RNF113B: variants seen among roughly 807,000 people sequenced by gnomAD.
RNF113B encodes zinc finger protein 183-like 1.
RNF113B carries 12 observed loss-of-function variants against 22.2 expected under a neutral mutation model. The ratio of observed to expected loss-of-function variants is 0.54; its 90% CI spans 0.35 to 0.87. The LOEUF is 0.87. RNF113B is among the 40% of genes least tolerant of loss of function. The pLI, the probability that RNF113B is intolerant of heterozygous loss-of-function variation, is 0.01. For missense variants in RNF113B, 442 were observed against 455.4 expected (o/e 0.97, Z 0.27); for synonymous variants, 194 against 184.6 (o/e 1.05, Z -0.41).
At position 98,176,866 on chromosome 13, in the gene RNF113B, G is replaced by T; in HGVS notation, c.371C>A (p.Thr124Lys). 2.5e-6 allele frequency: 4 copies of T among 1,609,268 alleles called. No individual in the cohort carries two copies. Among genetic ancestry groups the T allele is most frequent in the Non-Finnish European group, 2.5e-6 (3 of 1,179,956 alleles). Residue 124 changes from threonine to lysine, a missense_variant, in exon 1 of 2, where the codon ACG becomes AAG. Transcript: ENST00000267291. The surrounding 1 kb of genome is among the most constrained non-coding windows in gnomAD (Gnocchi z 6.2). ...FEQDTEKEHH[T>K]PTILKCSQRV... The stretch of plus-strand genomic sequence containing the variant: ...CTGGCTGCACTTGAGGATGGTCGGC[G>T]TATGGTGCTCCTTCTCGGTGTCCTG...
Position 98,176,931 on chromosome 13 carries a change from A to T in RNF113B, c.306T>A (p.Pro102=), listed in dbSNP as rs758475708. 4.9e-5 allele frequency: 79 copies of T among 1,602,782 alleles called. No homozygotes were observed. Among genetic ancestry groups the T allele is most frequent in the Non-Finnish European group, 6.6e-5 (78 of 1,179,788 alleles). The change falls in exon 1 of 2, where the codon CCT becomes CCA. Residue 102 remains proline, a synonymous_variant. Transcript: ENST00000267291. This position sits in a 1 kb window ranked among gnomAD's most constrained non-coding sequence, Gnocchi z 6.2. ...VVYRSTRSAK[P]VGPEDMGATA... is the part of the protein sequence containing the mutation. ...TGGCCCCCATGTCCTCTGGCCCCAC[A>T]GGCTTCGCCGAGCGGGTGGACCTGT...
Position 98,177,017 on chromosome 13 carries a change from T to C in RNF113B, c.220A>G (p.Lys74Glu), listed in dbSNP as rs769660454. 2.3e-5 allele frequency: 36 copies of C among 1,596,378 alleles called. No homozygotes were observed. Among genetic ancestry groups the C allele is most frequent in the Non-Finnish European group, 2.5e-5 (30 of 1,178,222 alleles). Residue 74 changes from lysine to glutamate, a missense_variant, in exon 1 of 2, where the codon AAG (lysine) becomes GAG (glutamate). Transcript: ENST00000267291. Reference sequence around the variant, plus strand: ...CCCCTCCTGTCGCCGTGAGCCGCCTTCTGCCAGCTGTGGAGGCCCCGGGGC... The same window carrying C: ...CCCCTCCTGTCGCCGTGAGCCGCCTCCTGCCAGCTGTGGAGGCCCCGGGGC... ...PRPRGLHSWQ[K>E]AAHGDRRGEE...
rs993125147 is a variant in RNF113B, at chr13:98,176,291, C to T, written c.946G>A (p.Ala316Thr). ...TGGGACTTGCCCCCACCTTCTGCAG[C>T]CTGAAGCTTTTGCAGTTTCGCCATC... is the stretch of plus-strand genomic sequence containing the variant. ...ELMAKLQKLQ[A>T]AEGKKR Residue 316 changes from alanine to threonine, a missense_variant, in exon 1 of 2, where the codon GCT (alanine) becomes ACT (threonine). Ala to Thr is a moderately conservative substitution (Grantham distance 58). Transcript: ENST00000267291. The surrounding 1 kb of genome is among the most constrained non-coding windows in gnomAD (Gnocchi z 6.2). The T allele has an allele frequency of 2.8e-5, 45 of 1,612,344 alleles. No homozygotes were observed. The highest frequency in any genetic ancestry group is 3.5e-5 in the Non-Finnish European group (41 of 1,178,750).
At position 98,177,075 on chromosome 13, in the gene RNF113B, G is replaced by GT. The variant is rs766324120; in HGVS notation, c.161dup (p.Asp54GlufsTer35). On this transcript the variant is annotated frameshift_variant, in exon 1 of 2. Transcript: ENST00000267291. LOFTEE classifies it high-confidence loss of function. The stretch of plus-strand genomic sequence containing the variant: ...CCACCCGCGGGGGCTGAGCCACTGT[G>GT]TCGCCCTCGTCCCCGCTGCTGCTGC... 1 of 1,597,370 alleles carries GT rather than the reference G, an allele frequency of 6.3e-7. No homozygotes were observed. The highest frequency in any genetic ancestry group is 1.1e-5 in the South Asian group (1 of 90,796).
chr13:98,177,072 T>A lies in RNF113B; in HGVS notation c.165A>T (p.Thr55=). The part of the protein sequence containing the change: ...ESSSSGDEGD[T]VAQPPRVAPR... ...GTGCCACCCGCGGGGGCTGAGCCACTGTGTCGCCCTCGTCCCCGCTGCTGC... is the reference window on the plus strand; with the variant it reads ...GTGCCACCCGCGGGGGCTGAGCCACAGTGTCGCCCTCGTCCCCGCTGCTGC... Residue 55 remains threonine, a synonymous_variant, in exon 1 of 2, where the codon ACA becomes ACT. Coordinates refer to ENST00000267291, the MANE Select transcript of RNF113B (RefSeq NM_178861.5). 1 of 1,597,058 alleles carries A rather than the reference T, an allele frequency of 6.3e-7. No homozygotes were observed. Among genetic ancestry groups the A allele is most frequent in the African/African-American group, 1.3e-5 (1 of 74,940 alleles).
Position 98,177,102 on chromosome 13 carries a change from C to G in RNF113B, c.135G>C (p.Glu45Asp). 1 of 1,600,602 alleles carries G rather than the reference C, an allele frequency of 6.2e-7. No homozygotes were observed. Among genetic ancestry groups the G allele is most frequent in the Non-Finnish European group, 8.5e-7 (1 of 1,179,576 alleles). ...CGCCCTCGTCCCCGCTGCTGCTGCT[C>G]TCTCCGTGCTCGGGGTCGCAGGCCG... is the stretch of plus-strand genomic sequence containing the variant. The part of the protein sequence containing the change: ...KRPACDPEHG[E>D]SSSSGDEGDT... Residue 45 changes from glutamate (E) to aspartate (D), a missense_variant, in exon 1 of 2, where the codon GAG (glutamate) becomes GAC (aspartate). Coordinates refer to ENST00000267291, the MANE Select transcript of RNF113B (RefSeq NM_178861.5).
chr13:98,177,141 G>A lies in RNF113B; in HGVS notation c.96C>T (p.Gly32=), dbSNP rs1878133372. Reference sequence around the variant, plus strand: ...GGTCGCAGGCCGGGCGCTTTCTGAGGCCTGCAGCCCCTTTCCGTCCAGGCT... The same window carrying A: ...GGTCGCAGGCCGGGCGCTTTCTGAGACCTGCAGCCCCTTTCCGTCCAGGCT... ...FKKPGRKGAA[G]LRKRPACDPE... The change falls in exon 1 of 2, where the codon GGC becomes GGT. Residue 32 remains glycine (G), a synonymous_variant. Coordinates refer to ENST00000267291, the MANE Select transcript of RNF113B (RefSeq NM_178861.5). The A allele has an allele frequency of 6.2e-7, 1 of 1,606,266 alleles. No individual in the cohort carries two copies. Among genetic ancestry groups the A allele is most frequent in the South Asian group, 1.1e-5 (1 of 91,024 alleles).
chr13:98,177,120 G>A lies in RNF113B; in HGVS notation c.117C>T (p.Cys39=). Residue 39 remains cysteine (C), a synonymous_variant, in exon 1 of 2, where the codon TGC becomes TGT. Coordinates refer to ENST00000267291, the MANE Select transcript of RNF113B (RefSeq NM_178861.5). ...TGCTGCTCTCTCCGTGCTCGGGGTC[G>A]CAGGCCGGGCGCTTTCTGAGGCCTG... The part of the protein sequence containing the change: ...GAAGLRKRPA[C]DPEHGESSSS... The A allele has an allele frequency of 6.2e-7, 1 of 1,602,622 alleles. No homozygotes were observed. Among genetic ancestry groups the A allele is most frequent in the South Asian group, 1.1e-5 (1 of 90,994 alleles).
Position 98,176,719 on chromosome 13 carries a change from C to G in RNF113B, c.518G>C (p.Arg173Thr). 6.2e-7 allele frequency: 1 copy of G among 1,614,184 alleles called. No individual in the cohort carries two copies. The highest frequency in any genetic ancestry group is 8.5e-7 in the Non-Finnish European group (1 of 1,180,046). The stretch of plus-strand genomic sequence containing the variant: ...CCCTGGCGCACGTATGGGGCCCTTC[C>G]TCGCCATCCCCGAGGAGGAGTTGCC... ...SMGNSSSGMA[R>T]KGPIRAPGHL... is the part of the protein sequence containing the mutation. Residue 173 changes from arginine (R) to threonine (T), a missense_variant, in exon 1 of 2, where the codon AGG (arginine) becomes ACG (threonine). Coordinates refer to ENST00000267291, the MANE Select transcript of RNF113B (RefSeq NM_178861.5). The surrounding 1 kb of genome is among the most constrained non-coding windows in gnomAD (Gnocchi z 6.2).
Position 98,176,733 on chromosome 13 carries a change from G to C in RNF113B, c.504C>G (p.Ser168=), listed in dbSNP as rs1290353147. Residue 168 remains serine, a synonymous_variant, in exon 1 of 2, where the codon TCC becomes TCG. Transcript: ENST00000267291. The surrounding 1 kb of genome is among the most constrained non-coding windows in gnomAD (Gnocchi z 6.2). The stretch of plus-strand genomic sequence containing the variant: ...TGGGGCCCTTCCTCGCCATCCCCGA[G>C]GAGGAGTTGCCCATGGACGTGTCCT... ...KPKDTSMGNS[S]SGMARKGPIR... The C allele has an allele frequency of 3.7e-6, 6 of 1,614,006 alleles. No individual in the cohort carries two copies. Among genetic ancestry groups the C allele is most frequent in the Non-Finnish European group, 5.1e-6 (6 of 1,179,992 alleles).
rs1272124433 is a variant in RNF113B at position 98,176,921 on chromosome 13, C to G, written c.316G>C (p.Glu106Gln). The change falls in exon 1 of 2, where the codon GAG becomes CAG. Residue 106 changes from glutamate (E) to glutamine (Q), a missense_variant. Physicochemically the swap from Glu to Gln is conservative, Grantham distance 29. Coordinates refer to ENST00000267291, the MANE Select transcript of RNF113B (RefSeq NM_178861.5). This position sits in a 1 kb window ranked among gnomAD's most constrained non-coding sequence, Gnocchi z 6.2. ...STRSAKPVGP[E>Q]DMGATADFEQ... is the part of the protein sequence containing the mutation. ...AAGTCAGCGGTGGCCCCCATGTCCT[C>G]TGGCCCCACAGGCTTCGCCGAGCGG... 3 of 1,605,210 alleles carry G rather than the reference C, an allele frequency of 1.9e-6. No homozygotes were observed. Among genetic ancestry groups the G allele is most frequent in the Non-Finnish European group, 2.5e-6 (3 of 1,179,936 alleles).
chr13:98,177,057 CG>C lies in RNF113B; in HGVS notation c.179del (p.Pro60ArgfsTer95), dbSNP rs1878121800. On this transcript the variant is annotated frameshift_variant, in exon 1 of 2. Transcript: ENST00000267291. LOFTEE classifies it high-confidence loss of function. ...GDEGDTVAQP[P>X]RVAPRPRGLH... ...GGCCCCGGGGCCTCGGTGCCACCCG[CG>C]GGGGCTGAGCCACTGTGTCGCCCTC... 1 of 1,594,936 alleles carries C rather than the reference CG, an allele frequency of 6.3e-7. No individual in the cohort carries two copies. The highest frequency in any genetic ancestry group is 8.5e-7 in the Non-Finnish European group (1 of 1,177,722).
In RNF113B at chr13:98,176,160, T is replaced by G. The variant is rs2139180752; in HGVS notation, c.*3A>C. 1.1e-5 allele frequency: 17 copies of G among 1,608,554 alleles called. No homozygotes were observed. The highest frequency in any genetic ancestry group is 1.4e-5 in the Non-Finnish European group (16 of 1,175,310). Reference sequence around the variant, plus strand: ...CCAGTGTACATACAGACTTGAGTCTTTCTTATCTCTTTTTTCCTAAAAGAA... The same window carrying G: ...CCAGTGTACATACAGACTTGAGTCTGTCTTATCTCTTTTTTCCTAAAAGAA... On this transcript the variant is annotated 3_prime_UTR_variant, in exon 2 of 2. Transcript: ENST00000267291. The surrounding 1 kb of genome is among the most constrained non-coding windows in gnomAD (Gnocchi z 6.2).
rs1566701342 is a variant in RNF113B, at chr13:98,176,554, C to T, written c.683G>A (p.Arg228Gln). ...SDYKLGWEIE[R>Q]ELEEGRYCIC... ...ACAGTAGCGACCCTCTTCAAGCTCC[C>T]GTTCAATCTCCCACCCGAGCTTGTA... is the stretch of plus-strand genomic sequence containing the variant. Residue 228 changes from arginine (R) to glutamine (Q), a missense_variant, in exon 1 of 2, where the codon CGG becomes CAG. Coordinates refer to ENST00000267291, the MANE Select transcript of RNF113B (RefSeq NM_178861.5). The surrounding 1 kb of genome is among the most constrained non-coding windows in gnomAD (Gnocchi z 6.2). The T allele has an allele frequency of 1.9e-6, 3 of 1,614,212 alleles. No homozygotes were observed. Among genetic ancestry groups the T allele is most frequent in the Middle Eastern group, 1.6e-4 (1 of 6,062 alleles).
In RNF113B at chr13:98,176,925, C is replaced by G. The variant is rs1245868601; in HGVS notation, c.312G>C (p.Gly104=). Residue 104 remains glycine (G), a synonymous_variant, in exon 1 of 2, where the codon GGG becomes GGC. Coordinates refer to ENST00000267291, the MANE Select transcript of RNF113B (RefSeq NM_178861.5). This position sits in a 1 kb window ranked among gnomAD's most constrained non-coding sequence, Gnocchi z 6.2. ...CAGCGGTGGCCCCCATGTCCTCTGG[C>G]CCCACAGGCTTCGCCGAGCGGGTGG... ...YRSTRSAKPV[G]PEDMGATADF... 2 of 1,603,616 alleles carry G rather than the reference C, an allele frequency of 1.2e-6. No individual in the cohort carries two copies. The highest frequency in any genetic ancestry group is 1.7e-6 in the Non-Finnish European group (2 of 1,179,842).
In RNF113B at chr13:98,176,704, C is replaced by G. The variant is rs764594031; in HGVS notation, c.533G>C (p.Arg178Pro). 6.2e-7 allele frequency: 1 copy of G among 1,614,198 alleles called. No homozygotes were observed. The highest frequency in any genetic ancestry group is 1.1e-5 in the South Asian group (1 of 91,084). ...SSGMARKGPI[R>P]APGHLRATVR... ...AGTGGCGCGCAGATGCCCTGGCGCA[C>G]GTATGGGGCCCTTCCTCGCCATCCC... Residue 178 changes from arginine to proline, a missense_variant, in exon 1 of 2, where the codon CGT becomes CCT. By Grantham distance (103) the Arg-to-Pro change is moderately radical. Coordinates refer to ENST00000267291, the MANE Select transcript of RNF113B (RefSeq NM_178861.5). This position sits in a 1 kb window ranked among gnomAD's most constrained non-coding sequence, Gnocchi z 6.2.
At position 98,176,727 on chromosome 13, in the gene RNF113B, C is replaced by A. The variant is rs1878076191; in HGVS notation, c.510G>T (p.Gly170=). The A allele has an allele frequency of 6.2e-7, 1 of 1,614,168 alleles. No homozygotes were observed. The highest frequency in any genetic ancestry group is 8.5e-7 in the Non-Finnish European group (1 of 1,180,034). Residue 170 remains glycine (G), a synonymous_variant, in exon 1 of 2, where the codon GGG becomes GGT. Transcript: ENST00000267291. This position sits in a 1 kb window ranked among gnomAD's most constrained non-coding sequence, Gnocchi z 6.2. ...KDTSMGNSSS[G]MARKGPIRAP... ...CACGTATGGGGCCCTTCCTCGCCAT[C>A]CCCGAGGAGGAGTTGCCCATGGACG...
chr13:98,176,520 C>G lies in RNF113B; in HGVS notation c.717G>C (p.Glu239Asp). 6.2e-7 allele frequency: 1 copy of G among 1,614,182 alleles called. No individual in the cohort carries two copies. The highest frequency in any genetic ancestry group is 8.5e-7 in the Non-Finnish European group (1 of 1,180,034). Residue 239 changes from glutamate to aspartate, a missense_variant, in exon 1 of 2, where the codon GAG becomes GAC. Transcript: ENST00000267291. This position sits in a 1 kb window ranked among gnomAD's most constrained non-coding sequence, Gnocchi z 6.2. ...CGCTTCCCACTTCATGGTTTTCGTC[C>G]TCGCAGATACAGTAGCGACCCTCTT... ...ELEEGRYCIC[E>D]DENHEVGSEE...
At position 98,177,243 on chromosome 13, in the gene RNF113B, G is replaced by A. The variant is rs762131725; in HGVS notation, c.-7C>T. On this transcript the variant is annotated 5_prime_UTR_variant, in exon 1 of 2. Transcript: ENST00000267291. ...GAGAAGGTGGCGCTGCCATGTTTGA[G>A]TCTCAGGCTCCCAACGGCCGTGGCG... The A allele has an allele frequency of 1.3e-6, 2 of 1,542,366 alleles. No individual in the cohort carries two copies. The highest frequency in any genetic ancestry group is 4.5e-5 in the East Asian group (2 of 44,100).
Sources: allele counts gnomAD v4.1 joint callset, GRCh38; gene constraint gnomAD v4.1.1; non-coding constraint Gnocchi (gnomAD v3.1); transcripts MANE v1.5; gene names NCBI Gene and HGNC (gene_info 2026-07-23, HGNC 2026-07-21).